The following ZNF804A variants were observed in gnomAD, a reference collection of about 807,000 sequenced individuals.
The protein encoded by ZNF804A is zinc finger protein 804A.
ZNF804A carries 2 observed loss-of-function variants against 16.5 expected under a neutral mutation model. The observed-to-expected ratio is 0.12, with a 90% confidence interval of 0.05 to 0.38. The LOEUF is 0.38. ZNF804A is among the 10% of genes least tolerant of loss of function. The pLI, the probability that ZNF804A is intolerant of heterozygous loss-of-function variation, is 0.99. For synonymous variants in ZNF804A, 534 were observed against 489.6 expected (o/e 1.09, Z -1.20); for missense variants, 1,473 against 1,390.7 (o/e 1.06, Z -0.94).
intron 1 of ZNF804A, among the ~76,000 whole-genome samples, chr2:184,696,265 G>T (rs1284574011): frequency 1.3e-5 from 2 of 152,102 alleles, no homozygotes; most frequent in Non-Finnish European, 1.5e-5. Flanking sequence ...AAGACCAATT[G>T]CATTATGTGT....
intron 1 of ZNF804A, among the ~76,000 whole-genome samples, chr2:184,746,712 C>T (rs559644281): frequency 7.9e-5 from 12 of 151,238 alleles, no homozygotes; most frequent in Non-Finnish European, 1.8e-4. Flanking sequence ...TCACCCTTTC[C>T]AGACTCTGGT....
At chr2:184,873,974 T>C (rs182734906) in intron 2 of ZNF804A, among the ~76,000 whole-genome samples, 28 of 152,282 alleles carry the variant, frequency 1.8e-4, no homozygotes, top group Admixed American at 5.2e-4. Context: ...CTAATAGGTA[T>C]GAACAACAAT....
At chr2:184,895,911 T>C (rs1427303556) in intron 2 of ZNF804A, among the ~76,000 whole-genome samples, 1 of 152,160 alleles carries the variant, frequency 6.6e-6, no homozygotes, top group East Asian at 1.9e-4. Context: ...TTTAAAAATA[T>C]ATATAGTTCT....
intron 1 of ZNF804A, among the ~76,000 whole-genome samples, chr2:184,827,796 A>G (rs534207868): frequency 4.0e-5 from 6 of 151,776 alleles, no homozygotes; most frequent in South Asian, 2.1e-4. Context: ...AAATCTTACA[A>G]TAAGTATATC....
intron 1 of ZNF804A, among the ~76,000 whole-genome samples, chr2:184,712,521 A>G (rs1693146668): frequency 6.6e-6 from 1 of 151,722 alleles, no homozygotes; most frequent in Non-Finnish European, 1.5e-5. Context: ...CTTTTGGTTG[A>G]TTCTGTCTGC....
At chr2:184,630,958 T>TA (rs1691597417) in intron 1 of ZNF804A, among the ~76,000 whole-genome samples, 1 of 152,140 alleles carries the variant, frequency 6.6e-6, no homozygotes. Flanking sequence ...TTGGATTTAA[T>TA]AAATATGTAG....
Position 184,690,796 on chromosome 2 carries a change from G to T in ZNF804A, c.111+91726G>T, listed in dbSNP as rs540536561. On this transcript the variant is annotated intron_variant, in intron 1 of 3. Transcript: ENST00000302277. ...ATCTCTTTGGAAATGTGTGTACTGT[G>T]GGTGGTTTAGAAAAATATCACTCTT... Among the ~76,000 whole-genome samples, 6 of 152,032 alleles carry T rather than the reference G, an allele frequency of 3.9e-5. No individual in the cohort carries two copies. In the East Asian group the frequency reaches 1.2e-3, roughly 29 times the overall value.
intron 1 of ZNF804A, among the ~76,000 whole-genome samples, chr2:184,710,458 C>G (rs1471877879): frequency 6.6e-6 from 1 of 151,212 alleles, no homozygotes; most frequent in Non-Finnish European, 1.5e-5. Context: ...AAAGCAAATA[C>G]CTTATAATTT....
chr2:184,930,502 A>G (rs1310436336), intron 2 of ZNF804A, among the ~76,000 whole-genome samples: 1 of 152,202 alleles, frequency 6.6e-6, no homozygotes, highest in Admixed American at 6.5e-5. Flanking sequence ...ATAGATATAT[A>G]CACATACAAG....
chr2:184,780,365 G>A (rs916493779), intron 1 of ZNF804A, among the ~76,000 whole-genome samples: 1 of 151,772 alleles, frequency 6.6e-6, no homozygotes, highest in South Asian at 2.1e-4. Flanking sequence ...TATATGCTAC[G>A]TTTTAAACTT....
rs146350248 is a variant in ZNF804A at position 184,778,337 on chromosome 2, T to A, written c.112-88032T>A. Among the ~76,000 whole-genome samples, 1,376 of 151,692 alleles carry A rather than the reference T, an allele frequency of 9.1e-3. 22 individuals carry two copies. The highest frequency in any genetic ancestry group is 0.032 in the African/African-American group (1,315 of 41,448). On this transcript the variant is annotated intron_variant, in intron 1 of 3. Transcript: ENST00000302277. Reference sequence around the variant, plus strand: ...TTAACCCCTTCTCTAAAGATGATAATTTTTTCCCCAAAGATATGGGGAAAA... The same window carrying A: ...TTAACCCCTTCTCTAAAGATGATAAATTTTTCCCCAAAGATATGGGGAAAA...
At chr2:184,644,745 G>C (rs1051628054) in intron 1 of ZNF804A, among the ~76,000 whole-genome samples, 2 of 151,896 alleles carry the variant, frequency 1.3e-5, no homozygotes, top group Admixed American at 6.6e-5. Flanking sequence ...GCTCAAAGAG[G>C]TTTAAAACTC....
chr2:184,680,404 C>T (rs1692520110), intron 1 of ZNF804A, among the ~76,000 whole-genome samples: 1 of 152,114 alleles, frequency 6.6e-6, no homozygotes, highest in Non-Finnish European at 1.5e-5. Flanking sequence ...CATCTTCTCT[C>T]TGCTGATTGC....
At chr2:184,820,900 C>T (rs1284452595) in intron 1 of ZNF804A, among the ~76,000 whole-genome samples, 1 of 151,990 alleles carries the variant, frequency 6.6e-6, no homozygotes, top group African/African-American at 2.4e-5. Flanking sequence ...CAAACCACTG[C>T]TCAATGAAAT....
intron 1 of ZNF804A, among the ~76,000 whole-genome samples, chr2:184,729,487 A>G (rs910000905): frequency 6.6e-6 from 1 of 152,024 alleles, no homozygotes; most frequent in African/African-American, 2.4e-5. Context: ...CAGTTGGTTC[A>G]GTTCAGTCAG....
At chr2:184,792,513 A>G (rs1694565852) in intron 1 of ZNF804A, among the ~76,000 whole-genome samples, 1 of 151,800 alleles carries the variant, frequency 6.6e-6, no homozygotes, top group South Asian at 2.1e-4. Context: ...TAGTTTGATC[A>G]TTTTTTCATT....
intron 1 of ZNF804A, among the ~76,000 whole-genome samples, chr2:184,664,936 G>A (rs1692232994): frequency 6.6e-6 from 1 of 152,116 alleles, no homozygotes; most frequent in Admixed American, 6.6e-5. Flanking sequence ...CTAAAAACCA[G>A]CGTAGTATAC....
chr2:184,768,517 A>T (rs1186635735), intron 1 of ZNF804A, among the ~76,000 whole-genome samples: 1 of 152,082 alleles, frequency 6.6e-6, no homozygotes, highest in African/African-American at 2.4e-5. Context: ...CATTGGAATT[A>T]TCTGGAAAGC....
chr2:184,705,979 A>AC (rs1408145528), intron 1 of ZNF804A, among the ~76,000 whole-genome samples: 5 of 152,106 alleles, frequency 3.3e-5, no homozygotes, highest in African/African-American at 9.7e-5. Flanking sequence ...TATTCACTTG[A>AC]TTATTAAAAC....
Sources: gnomAD v4.1 joint callset for allele counts (sites outside exome capture counted in the v4.1 genomes callset) on GRCh38, gnomAD v4.1.1 for gene constraint, MANE v1.5 for transcripts, NCBI Gene and HGNC (gene_info 2026-07-23, HGNC 2026-07-21) for gene names.